The following CTDP1 variants were observed in gnomAD, a reference collection of about 807,000 sequenced individuals.
CTDP1 encodes the protein RNA polymerase II subunit A C-terminal domain phosphatase.
Under a neutral mutation model 91.8 loss-of-function variants are expected in CTDP1, and 47 were observed. The observed-to-expected ratio is 0.51, with a 90% CI of 0.41 to 0.65. The LOEUF is 0.65. CTDP1 is among the 30% of genes least tolerant of loss of function. CTDP1 has a pLI of 0.00. For missense variants in CTDP1, 1,272 were observed against 1,373.7 expected (o/e 0.93, Z 1.17); for synonymous variants, 656 against 598.5 (o/e 1.10, Z -1.40).
chr18:79,742,143 AGGTG>A (rs2086791681), intron 12 of CTDP1, among the ~76,000 whole-genome samples: 4 of 103,464 alleles, frequency 3.9e-5, no homozygotes, highest in Admixed American at 8.8e-5. Flanking sequence ...AGGAGGCATG[AGGTG>A]GAGGCCTGGG....
At chr18:79,727,107 C>T (rs1273101675) in intron 10 of CTDP1, among the ~76,000 whole-genome samples, 3 of 152,056 alleles carry the variant, frequency 2.0e-5, no homozygotes, top group East Asian at 1.9e-4. Flanking sequence ...TCATTGCTGC[C>T]GGTGGGGTTG....
Position 79,729,083 on chromosome 18 carries a change from A to G in CTDP1, c.2580+14A>G. On this transcript the variant is annotated intron_variant, in intron 11 of 12. Transcript: ENST00000613122. ...ATGGACAAAGAGGTGAGCCAACCCC[A>G]CGCCCCGGTGCCCGCGCCAGCGCTC... 6.2e-7 allele frequency: 1 copy of G among 1,612,196 alleles called. No homozygotes were observed. Among genetic ancestry groups the G allele is most frequent in the Non-Finnish European group, 8.5e-7 (1 of 1,179,968 alleles).
At chr18:79,688,895 A>G (rs1033387164) in intron 1 of CTDP1, among the ~76,000 whole-genome samples, 8 of 152,272 alleles carry the variant, frequency 5.3e-5, no homozygotes, top group African/African-American at 1.4e-4. Flanking sequence ...AACAGTGCAC[A>G]GAATTCTCAC....
Position 79,717,693 on chromosome 18 carries a change from C to T in CTDP1, c.2210+17C>T, listed in dbSNP as rs766072932. ...GGCACAGAGGTGGGTCCTCGCTGCACCCAGCAGGTCCGTGCCAGGCGTTCC... is the reference window on the plus strand; with the variant it reads ...GGCACAGAGGTGGGTCCTCGCTGCATCCAGCAGGTCCGTGCCAGGCGTTCC... On this transcript the variant is annotated intron_variant, in intron 9 of 12. Coordinates refer to ENST00000613122, the MANE Select transcript of CTDP1 (RefSeq NM_004715.5). The T allele has an allele frequency of 4.3e-6, 7 of 1,614,004 alleles. No homozygotes were observed. The South Asian group carries it at 4.4e-5, about 10-fold the overall frequency.
At chr18:79,683,615 C>T (rs2085421229) in intron 1 of CTDP1, among the ~76,000 whole-genome samples, 1 of 152,332 alleles carries the variant, frequency 6.6e-6, no homozygotes, top group Non-Finnish European at 1.5e-5. Context: ...GGTTTCAGGG[C>T]GGCTGCCTGA....
chr18:79,693,447 A>G (rs2085664750), intron 1 of CTDP1, among the ~76,000 whole-genome samples: 1 of 152,198 alleles, frequency 6.6e-6, no homozygotes, highest in African/African-American at 2.4e-5. Context: ...GGTTTAAGAA[A>G]AAAACCTGAT....
intron 6 of CTDP1, among the ~76,000 whole-genome samples, chr18:79,712,136 A>G (rs961550932): frequency 3.3e-5 from 5 of 152,208 alleles, no homozygotes; most frequent in Admixed American, 3.3e-4. Flanking sequence ...AGGTGCTGTT[A>G]GTGTGTTACA....
chr18:79,752,267 GA>G (rs2087018481), intron 12 of CTDP1, among the ~76,000 whole-genome samples: 1 of 150,304 alleles, frequency 6.7e-6, no homozygotes, highest in Non-Finnish European at 1.5e-5. Flanking sequence ...GGCTCCTAAG[GA>G]AAGCCTAGTG....
At chr18:79,692,236 G>T (rs1217327661) in intron 1 of CTDP1, among the ~76,000 whole-genome samples, 1 of 152,044 alleles carries the variant, frequency 6.6e-6, no homozygotes, top group Non-Finnish European at 1.5e-5. Context: ...TTTGTCAGCC[G>T]TTGATCCATT....
chr18:79,723,420 C>T (rs367624585), intron 10 of CTDP1, among the ~76,000 whole-genome samples: 44 of 152,198 alleles, frequency 2.9e-4, no homozygotes, highest in African/African-American at 1.0e-3. Context: ...TGTGACAGGA[C>T]GCTTGGCAGT....
chr18:79,727,929 T>C (rs1217213336), intron 10 of CTDP1, among the ~76,000 whole-genome samples: 2 of 152,130 alleles, frequency 1.3e-5, no homozygotes, highest in East Asian at 3.8e-4. Context: ...ATTAATAAGA[T>C]TGACATATCC....
At chr18:79,680,381 C>T (rs2085335664) in intron 1 of CTDP1, 120 bp downstream of exon 1, 2 of 792,176 alleles carry the variant, frequency 2.5e-6, no homozygotes, top group Non-Finnish European at 3.4e-6. Flanking sequence ...AGCGATAAAG[C>T]GGGACGCAGG....
At chr18:79,682,653 A>C (rs970890839) in intron 1 of CTDP1, among the ~76,000 whole-genome samples, 6 of 152,218 alleles carry the variant, frequency 3.9e-5, no homozygotes, top group African/African-American at 1.2e-4. Context: ...TGTGGAGCCC[A>C]GCCTGTTTAT....
chr18:79,740,818 C>G (rs576931968), intron 12 of CTDP1, among the ~76,000 whole-genome samples: 1 of 152,170 alleles, frequency 6.6e-6, no homozygotes, highest in African/African-American at 2.4e-5. Context: ...AGCCGCCTGC[C>G]GGGCACTTTC....
chr18:79,688,855 G>A (rs2085563320), intron 1 of CTDP1, among the ~76,000 whole-genome samples: 1 of 152,222 alleles, frequency 6.6e-6, no homozygotes. Flanking sequence ...GGCTCTTTTG[G>A]GACATAATTT....
rs145149242 is a variant in CTDP1, at chr18:79,710,471, G to A, written c.863+35G>A. ...CAGCCGCGCTCCTCACAAAGACCTC[G>A]CTGTTCATTTCCCATTTCAAAAATC... is the stretch of plus-strand genomic sequence containing the variant. On this transcript the variant is annotated intron_variant, in intron 6 of 12. Transcript: ENST00000613122. 10,718 of 1,439,510 alleles carry A rather than the reference G, an allele frequency of 7.4e-3. 97 individuals are homozygous for A. The highest frequency in any genetic ancestry group is 0.022 in the South Asian group (1,903 of 87,602). The allele number at this position is 1,439,510 out of a possible 1,614,324, so 89.2% of individuals were successfully genotyped here. A position where few individuals can be genotyped will look rare whatever the true frequency, so the allele number is the denominator to read the frequency against.
chr18:79,679,854 A>T lies in CTDP1; in HGVS notation c.-94A>T. The T allele has an allele frequency of 8.4e-7, 1 of 1,183,846 alleles. No individual in the cohort carries two copies. The highest frequency in any genetic ancestry group is 1.6e-5 in the South Asian group (1 of 61,528). 73.3% of individuals were successfully genotyped at this position (1,183,846 alleles called of 1,614,324 possible). A position where few individuals can be genotyped will look rare whatever the true frequency, so the allele number is the denominator to read the frequency against. On this transcript the variant is annotated 5_prime_UTR_variant, in exon 1 of 13. Transcript: ENST00000613122. ...GGAAGCCGGTACCGAGAGGAACTAC[A>T]GCGTCGCCGCCTGGGTTGTGTCGCC...
intron 4 of CTDP1, among the ~76,000 whole-genome samples, chr18:79,698,339 G>A (rs1047569244): frequency 1.3e-5 from 2 of 152,210 alleles, no homozygotes; most frequent in Admixed American, 1.3e-4. Context: ...GGCAGTCTTG[G>A]TGGGGAGGAC....
chr18:79,681,867 G>A (rs2085376340), intron 1 of CTDP1, among the ~76,000 whole-genome samples: 1 of 152,198 alleles, frequency 6.6e-6, no homozygotes, highest in African/African-American at 2.4e-5. Flanking sequence ...GGAATTTGAG[G>A]TGGCTTCTTC....
Sources: gnomAD v4.1 joint callset for allele counts (sites outside exome capture counted in the v4.1 genomes callset) on GRCh38, gnomAD v4.1.1 for gene constraint, MANE v1.5 for transcripts, NCBI Gene and HGNC (gene_info 2026-07-23, HGNC 2026-07-21) for gene names.